The following AEBP2 variants were observed in gnomAD, a reference collection of about 807,000 sequenced individuals.
AEBP2 encodes AE binding protein 2, also known as zinc finger protein AEBP2.
AEBP2 carries 10 observed loss-of-function variants against 50.8 expected under a neutral mutation model. The ratio of observed to expected loss-of-function variants is 0.20; its 90% CI spans 0.12 to 0.33. The LOEUF is 0.33. AEBP2 is among the 10% of genes least tolerant of loss of function. AEBP2 has a pLI of 1.00. For synonymous variants in AEBP2, 296 were observed against 261.3 expected (o/e 1.13, Z -1.28); for missense variants, 570 against 688.0 (o/e 0.83, Z 1.92).
At chr12:19,429,805 G>A (rs778700187) in intron 1 of AEBP2, among the ~76,000 whole-genome samples, 4 of 151,652 alleles carry the variant, frequency 2.6e-5, no homozygotes, top group East Asian at 1.9e-4. Flanking sequence ...CATATCCTTC[G>A]CCCACTTGTT....
chr12:19,479,717 G>GTTTCT (rs1948698002), intron 3 of AEBP2, among the ~76,000 whole-genome samples: 1 of 22,314 alleles, frequency 4.5e-5, no homozygotes, highest in Non-Finnish European at 9.0e-5. Context: ...CTCTTTGTGG[G>GTTTCT]TTTTTTTTTT....
chr12:19,479,849 C>G (rs531758464), intron 3 of AEBP2, among the ~76,000 whole-genome samples: 1 of 148,058 alleles, frequency 6.8e-6, no homozygotes, highest in East Asian at 2.0e-4. Context: ...CACCCCTTTA[C>G]CTTAAGTTTA....
At chr12:19,500,401 T>C (rs143369895) in intron 5 of AEBP2, among the ~76,000 whole-genome samples, 180 bp downstream of exon 5, 1 of 152,360 alleles carries the variant, frequency 6.6e-6, no homozygotes, top group African/African-American at 2.4e-5. Context: ...TTTCTTATAA[T>C]TTTACATGTT....
At chr12:19,494,113 T>C in intron 4 of AEBP2, 127 bp downstream of exon 4, 1 of 1,028,672 alleles carries the variant, frequency 9.7e-7, no homozygotes, top group Admixed American at 2.8e-5. Flanking sequence ...AGGATGCCTG[T>C]CTGTCAGTGA....
At chr12:19,503,709 A>G (rs1156843072) in intron 5 of AEBP2, among the ~76,000 whole-genome samples, 1 of 151,590 alleles carries the variant, frequency 6.6e-6, no homozygotes, top group Non-Finnish European at 1.5e-5. Context: ...ATTTTTATAG[A>G]GACAGGATCT....
At chr12:19,429,437 C>T (rs368462653) in intron 1 of AEBP2, among the ~76,000 whole-genome samples, 4 of 152,092 alleles carry the variant, frequency 2.6e-5, no homozygotes, top group Non-Finnish European at 4.4e-5. Flanking sequence ...GCAATAAACA[C>T]ACGTGTGCAT....
At chr12:19,477,735 T>C (rs1948670064) in intron 3 of AEBP2, among the ~76,000 whole-genome samples, 2 of 152,182 alleles carry the variant, frequency 1.3e-5, no homozygotes, top group Admixed American at 6.5e-5. Context: ...TATTGGTCTG[T>C]AGATTTATTT....
At chr12:19,501,805 T>G (rs1012304562) in intron 5 of AEBP2, among the ~76,000 whole-genome samples, 1 of 144,668 alleles carries the variant, frequency 6.9e-6, no homozygotes, top group South Asian at 2.2e-4. Context: ...TTGTTTTTTT[T>G]TTTTTTTTTT....
upstream of AEBP2, among the ~76,000 whole-genome samples, chr12:19,434,979 A>T (rs1027540150): frequency 6.6e-6 from 1 of 151,892 alleles, no homozygotes; most frequent in Non-Finnish European, 1.5e-5. Context: ...ATCTCCATTC[A>T]CTTTTGACAC....
chr12:19,420,657 A>G (rs1257204950), intron 1 of AEBP2, among the ~76,000 whole-genome samples: 2 of 152,132 alleles, frequency 1.3e-5, no homozygotes, highest in East Asian at 1.9e-4. Context: ...AAAATTGTCT[A>G]TTACACATAA....
intron 3 of AEBP2, among the ~76,000 whole-genome samples, chr12:19,485,679 T>G: frequency 1.6e-5 from 2 of 128,862 alleles, no homozygotes; most frequent in Admixed American, 8.9e-5. Flanking sequence ...CCAGCCTGGG[T>G]GACAGAGAGA....
chr12:19,512,249 T>C (rs191411482), intron 5 of AEBP2, 149 bp from the exon 6 acceptor site: 6 of 480,028 alleles, frequency 1.2e-5, no homozygotes, highest in African/African-American at 1.2e-4. Flanking sequence ...CTCAAACTCC[T>C]GACCTTATGA....
At chr12:19,491,367 C>T (rs1948893038) in intron 3 of AEBP2, among the ~76,000 whole-genome samples, 1 of 152,162 alleles carries the variant, frequency 6.6e-6, no homozygotes, top group South Asian at 2.1e-4. Flanking sequence ...GGCTAATTGC[C>T]TCTATTCAGG....
intron 5 of AEBP2, among the ~76,000 whole-genome samples, chr12:19,508,478 T>G (rs1470317962): frequency 6.6e-6 from 1 of 152,222 alleles, no homozygotes; most frequent in Non-Finnish European, 1.5e-5. Context: ...TGGTTGGAAC[T>G]TGATTAAAAA....
At chr12:19,499,253 T>C (rs1179473116) in intron 4 of AEBP2, among the ~76,000 whole-genome samples, 2 of 152,172 alleles carry the variant, frequency 1.3e-5, no homozygotes, top group Non-Finnish European at 2.9e-5. Flanking sequence ...CGTCCAAAAA[T>C]TTGTTTGTAA....
At chr12:19,490,014 T>TC (rs1565728305) in intron 3 of AEBP2, among the ~76,000 whole-genome samples, 1 of 145,512 alleles carries the variant, frequency 6.9e-6, no homozygotes, top group Non-Finnish European at 1.5e-5. Flanking sequence ...TTTTTTTTTT[T>TC]TGCATGGGGG....
chr12:19,415,336 AAAAAAAAAAAAAAAATATATAT>A (rs1262837903), intron 1 of AEBP2, among the ~76,000 whole-genome samples: 2 of 47,808 alleles, frequency 4.2e-5, no homozygotes, highest in Non-Finnish European at 8.2e-5. Context: ...AAAAAAAAAA[AAAAAAAAAAAAAAAATATATAT>A]ATATATATAT....
upstream of AEBP2, among the ~76,000 whole-genome samples, chr12:19,439,348 C>A (rs1237984770): frequency 6.7e-6 from 1 of 149,828 alleles, no homozygotes; most frequent in Non-Finnish European, 1.5e-5. Flanking sequence ...TGGGAAGGCC[C>A]CGAGGAAACG....
chr12:19,516,519 C>T (rs1256878882), intron 7 of AEBP2, among the ~76,000 whole-genome samples: 1 of 151,990 alleles, frequency 6.6e-6, no homozygotes, highest in East Asian at 1.9e-4. Context: ...TGTTCTTATG[C>T]CATATAGGAA....
Sources: allele counts gnomAD v4.1 joint callset (sites outside exome capture counted in the v4.1 genomes callset), GRCh38; gene constraint gnomAD v4.1.1; transcripts MANE v1.5; gene names NCBI Gene and HGNC (gene_info 2026-07-23, HGNC 2026-07-21).